Variants in STARD13 observed in about 807,000 individuals in gnomAD.
STARD13 encodes stAR-related lipid transfer protein 13.
In STARD13, 62 loss-of-function variants were observed where a neutral mutation model predicts 106.4. That is an observed-to-expected ratio of 0.58 (90% CI 0.48 to 0.72). The LOEUF (loss-of-function observed/expected upper bound fraction) is 0.72. Among genes scored for constraint, STARD13 ranks in the 30% least tolerant of loss-of-function variants. STARD13 has a pLI of 0.00. For missense variants in STARD13, 1,387 were observed against 1,424.0 expected (o/e 0.97, Z 0.42); for synonymous variants, 565 against 553.0 (o/e 1.02, Z -0.31).
chr13:33,140,767 T>TC (rs1335195264), intron 4 of STARD13, among the ~76,000 whole-genome samples: 1 of 142,460 alleles, frequency 7.0e-6, no homozygotes, highest in African/African-American at 2.6e-5. Context: ...CTTTTCTTTC[T>TC]TTTTTTTTTT....
chr13:33,357,835 C>A, the STARD13 span, among the ~76,000 whole-genome samples: 2 of 152,202 alleles, frequency 1.3e-5, no homozygotes, highest in African/African-American at 4.8e-5. Context: ...TCAGAGCCCT[C>A]GCTTGCTCTC....
At chr13:33,105,824 G>A (rs1873613770) in intron 13 of STARD13, 114 bp from the exon 14 acceptor site, 2 of 827,350 alleles carry the variant, frequency 2.4e-6, no homozygotes, top group South Asian at 1.5e-5. Flanking sequence ...CCTGCAGACA[G>A]CTCGGGCTGC....
intron 1 of STARD13, among the ~76,000 whole-genome samples, chr13:33,233,134 C>T (rs1889009039): frequency 1.3e-5 from 2 of 152,332 alleles, no homozygotes; most frequent in Admixed American, 6.5e-5. Context: ...TGGGTGAAAC[C>T]CCAACTCCAA....
chr13:33,461,142 A>G, the STARD13 span, among the ~76,000 whole-genome samples: 504 of 152,288 alleles, frequency 3.3e-3, 3 homozygotes, highest in African/African-American at 0.012. Flanking sequence ...TGTGTTGGAC[A>G]TGGCCATTAT....
chr13:33,249,286 C>T (rs1489530375), intron 1 of STARD13, among the ~76,000 whole-genome samples: 1 of 152,216 alleles, frequency 6.6e-6, no homozygotes, highest in African/African-American at 2.4e-5. Flanking sequence ...CTCACGATGA[C>T]TCAGTTGACC....
intron 8 of STARD13, among the ~76,000 whole-genome samples, chr13:33,114,822 G>A (rs1052413099): frequency 1.3e-5 from 2 of 151,784 alleles, no homozygotes; most frequent in African/African-American, 4.8e-5. Context: ...AATACTTCCT[G>A]TCCATTATTA....
chr13:33,321,576 C>T (rs865792094), intron 1 of STARD13, among the ~76,000 whole-genome samples: 1 of 151,670 alleles, frequency 6.6e-6, no homozygotes, highest in African/African-American at 2.4e-5. Context: ...CATCATTGTT[C>T]TCTTACATAT....
the STARD13 span, among the ~76,000 whole-genome samples, chr13:33,595,503 T>A: frequency 1.3e-5 from 2 of 152,240 alleles, no homozygotes; most frequent in African/African-American, 4.8e-5. Context: ...AGAACAGAGT[T>A]TAAAAGATTA....
chr13:33,555,207 C>G, the STARD13 span, among the ~76,000 whole-genome samples: 3 of 152,176 alleles, frequency 2.0e-5, no homozygotes, highest in Non-Finnish European at 2.9e-5. Flanking sequence ...CAATCCATTC[C>G]TCTTTTTCAC....
the STARD13 span, among the ~76,000 whole-genome samples, chr13:33,381,598 G>C: frequency 2.5e-3 from 378 of 152,194 alleles, 1 homozygote; most frequent in Non-Finnish European, 4.2e-3. Flanking sequence ...AAATTAGCCA[G>C]GCGTGGTGGC....
the STARD13 span, among the ~76,000 whole-genome samples, chr13:33,486,951 A>G: frequency 1.3e-5 from 2 of 152,224 alleles, no homozygotes; most frequent in Non-Finnish European, 2.9e-5. Flanking sequence ...TTGGAGAACA[A>G]GTTACTCAAG....
intron 3 of STARD13, chr13:33,158,551 C>T (rs1199281366): frequency 6.6e-6 from 1 of 152,208 alleles, no homozygotes; most frequent in Non-Finnish European, 1.5e-5. Context: ...CAAATACATA[C>T]ATGAAATGTA....
intron 1 of STARD13, among the ~76,000 whole-genome samples, chr13:33,213,542 T>C (rs1887845598): frequency 6.6e-6 from 1 of 152,214 alleles, no homozygotes; most frequent in African/African-American, 2.4e-5. Flanking sequence ...TGGAACCTAC[T>C]CTGGCTCTCT....
chr13:33,432,186 G>C, the STARD13 span, among the ~76,000 whole-genome samples: 1 of 152,100 alleles, frequency 6.6e-6, no homozygotes, highest in Non-Finnish European at 1.5e-5. Context: ...CTGGGAGAGA[G>C]AGGAGAAAAG....
the STARD13 span, among the ~76,000 whole-genome samples, chr13:33,461,966 A>T: frequency 2.4e-4 from 36 of 152,254 alleles, no homozygotes; most frequent in African/African-American, 8.4e-4. Flanking sequence ...TTTCTCTCTA[A>T]TTTTTAAATT....
chr13:33,275,180 A>C (rs1891361206), intron 1 of STARD13, among the ~76,000 whole-genome samples: 1 of 152,206 alleles, frequency 6.6e-6, no homozygotes. Context: ...AATGGTTTTC[A>C]TTACAGTTTA....
chr13:33,636,035 G>A, the STARD13 span, among the ~76,000 whole-genome samples: 5 of 151,684 alleles, frequency 3.3e-5, no homozygotes, highest in East Asian at 1.9e-4. Context: ...CCAGCTACTC[G>A]GGAGTCTGAG....
chr13:33,563,668 A>T, the STARD13 span, among the ~76,000 whole-genome samples: 1 of 147,680 alleles, frequency 6.8e-6, no homozygotes, highest in Non-Finnish European at 1.5e-5. Flanking sequence ...TGGTCTGGGC[A>T]AAACATTTTT....
chr13:33,165,494 T>A, intron 2 of STARD13, 76 bp from the exon 3 acceptor site: 1 of 1,102,048 alleles, frequency 9.1e-7, no homozygotes, highest in Non-Finnish European at 1.4e-6. Flanking sequence ...ACCTTCAAGG[T>A]CTGTAAAAGC....
Sources: gnomAD v4.1 joint callset for allele counts (sites outside exome capture counted in the v4.1 genomes callset) on GRCh38, gnomAD v4.1.1 for gene constraint, MANE v1.5 for transcripts, NCBI Gene and HGNC (gene_info 2026-07-23, HGNC 2026-07-21) for gene names.